Variants in SUB1 observed in about 807,000 individuals in gnomAD.
SUB1 encodes activated RNA polymerase II transcriptional coactivator p15.
Under a neutral mutation model 16.9 loss-of-function variants are expected in SUB1, and 1 was observed. The observed-to-expected ratio is 0.06, with a 90% CI of 0.02 to 0.28. SUB1 has a LOEUF of 0.28. Ranked by LOEUF, SUB1 falls within the 10% of genes least tolerant of loss-of-function variation. The probability of loss-of-function intolerance (pLI) is 1.00; values close to 1 mark genes in which losing one functional copy is unlikely to be tolerated. For synonymous variants in SUB1, 51 were observed against 46.9 expected (o/e 1.09, Z -0.36); for missense variants, 84 against 145.2 (o/e 0.58, Z 2.16).
Position 32,602,143 on chromosome 5 carries a change from C to G in SUB1, c.*1059C>G. 2.3e-6 allele frequency: 1 copy of G among 440,560 alleles called. No individual in the cohort carries two copies. The highest frequency in any genetic ancestry group is 4.5e-6 in the Non-Finnish European group (1 of 221,014). The allele number at this position is 440,560 out of a possible 1,614,324, so 27.3% of individuals were successfully genotyped here. A position where few individuals can be genotyped will look rare whatever the true frequency, so the allele number is the denominator to read the frequency against. ...CAATGGCATTCTAGACTTGATGATA[C>G]TAAGTTTTAGCAGACACTAGTAAGT... On this transcript the variant is annotated 3_prime_UTR_variant, in exon 5 of 5. Transcript: ENST00000265073.
intron 3 of SUB1, chr5:32,594,512 C>A: frequency 2.4e-6 from 1 of 408,518 alleles, no homozygotes; most frequent in Non-Finnish European, 5.0e-6. Flanking sequence ...TCATTTTAAT[C>A]TGGGGCAGGA....
intron 3 of SUB1, chr5:32,594,662 T>C: frequency 2.2e-6 from 1 of 448,526 alleles, no homozygotes; most frequent in Non-Finnish European, 4.5e-6. Context: ...CTGCCTCCTG[T>C]CAGATCAGCA....
At chr5:32,592,521 G>C (rs1463476947) in intron 3 of SUB1, among the ~76,000 whole-genome samples, 1 of 152,228 alleles carries the variant, frequency 6.6e-6, no homozygotes, top group East Asian at 1.9e-4. Context: ...AGGAAGGGAT[G>C]TTGGGGAATA....
chr5:32,595,437 A>T (rs1184898068), intron 3 of SUB1: 1 of 152,150 alleles, frequency 6.6e-6, no homozygotes, highest in African/African-American at 2.4e-5. Flanking sequence ...CATGCAGTCT[A>T]TTTTTTGTGT....
intron 2 of SUB1, among the ~76,000 whole-genome samples, chr5:32,590,788 G>GATGGAGTA (rs1738804232): frequency 1.2e-4 from 1 of 8,114 alleles, no homozygotes; most frequent in East Asian, 1.3e-3. Context: ...TTTTTTTTGA[G>GATGGAGTA]ATGGAGTATC....
chr5:32,588,692 C>A, intron 2 of SUB1, 108 bp downstream of exon 2: 2 of 1,159,190 alleles, frequency 1.7e-6, no homozygotes, highest in Non-Finnish European at 1.2e-6. Context: ...GAGGATCTAG[C>A]TGGGCGCGGT....
At chr5:32,592,432 G>A (rs967234346) in intron 3 of SUB1, among the ~76,000 whole-genome samples, 3 of 152,280 alleles carry the variant, frequency 2.0e-5, no homozygotes, top group African/African-American at 2.4e-5. Flanking sequence ...GAGAGGACTC[G>A]TATAGCTTTT....
rs1181538288 is a variant in SUB1 at position 32,604,006 on chromosome 5, C to T, written c.*2922C>T. 6.6e-6 allele frequency: 1 copy of T among 151,954 alleles called. No individual in the cohort carries two copies. Among genetic ancestry groups the T allele is most frequent in the Non-Finnish European group, 1.5e-5 (1 of 68,002 alleles). 9.4% of individuals were successfully genotyped at this position (151,954 alleles called of 1,614,324 possible). On this transcript the variant is annotated 3_prime_UTR_variant, in exon 5 of 5. Coordinates refer to ENST00000265073, the MANE Select transcript of SUB1 (RefSeq NM_006713.4). ...GCTTGTATGCTTTGTTTTCGTACAT[C>T]TTCCATGGAGATGTCTGAATATAAT...
At chr5:32,591,818 G>A in intron 3 of SUB1, 133 bp downstream of exon 3, 1 of 1,081,076 alleles carries the variant, frequency 9.3e-7, no homozygotes, top group Non-Finnish European at 1.2e-6. Context: ...CTCTGCCTCA[G>A]CCTCCCGAGT....
At chr5:32,587,600 T>C (rs1738705439) in intron 1 of SUB1, among the ~76,000 whole-genome samples, 1 of 152,060 alleles carries the variant, frequency 6.6e-6, no homozygotes, top group Admixed American at 6.6e-5. Context: ...TGAATTGCTG[T>C]GAATTGTGTA....
At chr5:32,599,326 A>C (rs1739058313) in intron 4 of SUB1, among the ~76,000 whole-genome samples, 2 of 152,240 alleles carry the variant, frequency 1.3e-5, no homozygotes, top group Non-Finnish European at 1.5e-5. Flanking sequence ...TTACTTGAAC[A>C]ATTTTTAAAA....
In SUB1 at chr5:32,603,063, G is replaced by A. The variant is rs2111696083; in HGVS notation, c.*1979G>A. The A allele has an allele frequency of 6.6e-6, 1 of 152,186 alleles. No homozygotes were observed. Among genetic ancestry groups the A allele is most frequent in the Non-Finnish European group, 1.5e-5 (1 of 67,968 alleles). The allele number at this position is 152,186 out of a possible 1,614,324, so 9.4% of individuals were successfully genotyped here. On this transcript the variant is annotated 3_prime_UTR_variant, in exon 5 of 5. Coordinates refer to ENST00000265073, the MANE Select transcript of SUB1 (RefSeq NM_006713.4). Reference sequence around the variant, plus strand: ...TTTTGAAACAATCTACTAACAGATGGTGCTGAAATCTATTACCTACATGTT... The same window carrying A: ...TTTTGAAACAATCTACTAACAGATGATGCTGAAATCTATTACCTACATGTT...
chr5:32,593,954 A>G (rs1490682786), intron 3 of SUB1, among the ~76,000 whole-genome samples: 5 of 151,900 alleles, frequency 3.3e-5, no homozygotes, highest in Non-Finnish European at 5.9e-5. Flanking sequence ...GGCCTCCCAA[A>G]GTGCTGGGAT....
chr5:32,600,979 C>T (rs372257363), intron 4 of SUB1, 26 bp from the exon 5 acceptor site: 1 of 1,591,198 alleles, frequency 6.3e-7, no homozygotes, highest in Non-Finnish European at 8.6e-7. Context: ...AGATTTTCAC[C>T]TTTGAATTTT....
At chr5:32,600,570 T>G (rs984767800) in intron 4 of SUB1, among the ~76,000 whole-genome samples, 5 of 152,062 alleles carry the variant, frequency 3.3e-5, no homozygotes. Flanking sequence ...GTAAGAGATA[T>G]GATTTTCAGT....
In SUB1 at chr5:32,602,412, A is replaced by T; in HGVS notation, c.*1328A>T. 4.0e-6 allele frequency: 1 copy of T among 247,956 alleles called. No individual in the cohort carries two copies. The allele number at this position is 247,956 out of a possible 1,614,324, so 15.4% of individuals were successfully genotyped here. On this transcript the variant is annotated 3_prime_UTR_variant, in exon 5 of 5. Transcript: ENST00000265073. The stretch of plus-strand genomic sequence containing the variant: ...CAATTCTAGGTAGAGTAGAAAAAGG[A>T]AAGTTTTAAAGACATATAAAAGATT...
At chr5:32,590,471 C>CT (rs1241683972) in intron 2 of SUB1, among the ~76,000 whole-genome samples, 1 of 150,492 alleles carries the variant, frequency 6.6e-6, no homozygotes, top group East Asian at 1.9e-4. Flanking sequence ...GAAAGCTAGT[C>CT]TAACACATAG....
chr5:32,596,198 T>A (rs1421870177), intron 3 of SUB1: 1 of 152,252 alleles, frequency 6.6e-6, no homozygotes, highest in African/African-American at 2.4e-5. Context: ...GTGACAGATC[T>A]TCTCTCTCTT....
rs1464885183 is a variant in SUB1 at position 32,588,530 on chromosome 5, A to C, written c.18A>C (p.Glu6Asp). 1 of 1,612,776 alleles carries C rather than the reference A, an allele frequency of 6.2e-7. No individual in the cohort carries two copies. Among genetic ancestry groups the C allele is most frequent in the Admixed American group, 1.7e-5 (1 of 59,948 alleles). The change falls in exon 2 of 5, where the codon GAA becomes GAC. Residue 6 changes from glutamate to aspartate, a missense_variant. Glu to Asp is a conservative substitution (Grantham distance 45). Around this residue, in one of 2 missense-constraint regions of SUB1, gnomAD observed 60 missense variants for 64.9 expected, o/e 0.92. Coordinates refer to ENST00000265073, the MANE Select transcript of SUB1 (RefSeq NM_006713.4). ...CTTTCAGGATGCCTAAATCAAAGGA[A>C]CTTGTTTCTTCAAGCTCTTCTGGCA... is the stretch of plus-strand genomic sequence containing the variant. Reference protein sequence around the residue: MPKSKELVSSSSSGSD... With the variant: MPKSKDLVSSSSSGSD...
Sources: gnomAD v4.1 joint callset for allele counts (sites outside exome capture counted in the v4.1 genomes callset) on GRCh38, gnomAD v4.1.1 for gene constraint, gnomAD v4.1.1 regional missense constraint, MANE v1.5 for transcripts, NCBI Gene and HGNC (gene_info 2026-07-23, HGNC 2026-07-21) for gene names.